GARRE1: variants seen among roughly 807,000 people sequenced by gnomAD.
The protein encoded by GARRE1 is granule associated Rac and RHOG effector protein 1.
In GARRE1, 49 loss-of-function variants were observed where a neutral mutation model predicts 103.2. The ratio of observed to expected loss-of-function variants is 0.47; its 90% CI spans 0.38 to 0.60. GARRE1 has a LOEUF of 0.60. GARRE1 is among the 20% of genes least tolerant of loss of function. The pLI is 0.00. For synonymous variants in GARRE1, 505 were observed against 532.8 expected, an observed-to-expected ratio of 0.95 and a Z score of 0.72; for missense variants, 1,199 against 1,370.5, an observed-to-expected ratio of 0.87 and a Z score of 1.98.
rs1160616076 is a variant in GARRE1 at position 34,287,833 on chromosome 19, T to G, written c.-795-11846T>G. Reference sequence around the variant, plus strand: ...GGGCACTAATCTCATTTATGATGGCTGCACCCTCATGACCTAAATACCTTC... The same window carrying G: ...GGGCACTAATCTCATTTATGATGGCGGCACCCTCATGACCTAAATACCTTC... On this transcript the variant is annotated intron_variant, in intron 1 of 13. Coordinates refer to ENST00000299505, the MANE Select transcript of GARRE1 (RefSeq NM_014686.5). 4.6e-5 allele frequency among the ~76,000 whole-genome samples: 7 copies of G among 152,304 alleles called. No individual in the cohort carries two copies. The South Asian group carries it at 6.2e-4, about 14-fold the overall frequency.
intron 2 of GARRE1, among the ~76,000 whole-genome samples, chr19:34,314,964 G>A (rs572972414): frequency 6.6e-6 from 1 of 152,260 alleles, no homozygotes; most frequent in South Asian, 2.1e-4. Flanking sequence ...ACCTCATTAA[G>A]AACAAGGTTG....
chr19:34,288,321 C>T (rs1382050020), intron 1 of GARRE1, among the ~76,000 whole-genome samples: 1 of 152,190 alleles, frequency 6.6e-6, no homozygotes. Flanking sequence ...TTCCTTTCCT[C>T]AATTTCTCAA....
At chr19:34,345,595 G>A (rs1050802725) in intron 10 of GARRE1, among the ~76,000 whole-genome samples, 5 of 152,168 alleles carry the variant, frequency 3.3e-5, no homozygotes, top group South Asian at 2.1e-4. Flanking sequence ...TGAGGCCAGC[G>A]GATTGCTTGA....
In GARRE1 at chr19:34,355,151, C is replaced by T. The variant is rs969818419; in HGVS notation, c.*2196C>T. ...GCCTCTCCAAAGGCCTCACCTTGGA[C>T]AGAGGTCAATCCTTGATGCTCCAGC... On this transcript the variant is annotated 3_prime_UTR_variant, in exon 14 of 14. Coordinates refer to ENST00000299505, the MANE Select transcript of GARRE1 (RefSeq NM_014686.5). 6.5e-6 allele frequency: 1 copy of T among 152,686 alleles called. No homozygotes were observed. The highest frequency in any genetic ancestry group is 6.5e-5 in the Admixed American group (1 of 15,286). The allele number at this position is 152,686 out of a possible 1,614,324, so 9.5% of individuals were successfully genotyped here. A position where few individuals can be genotyped will look rare whatever the true frequency, so the allele number is the denominator to read the frequency against.
intron 6 of GARRE1, among the ~76,000 whole-genome samples, chr19:34,328,729 T>A (rs537973169): frequency 4.0e-5 from 6 of 151,820 alleles, no homozygotes; most frequent in Non-Finnish European, 8.8e-5. Context: ...TGCCTCACCC[T>A]CCCAAGTAGC....
intron 1 of GARRE1, among the ~76,000 whole-genome samples, chr19:34,295,150 C>T (rs146513633): frequency 2.1e-4 from 32 of 152,308 alleles, no homozygotes; most frequent in African/African-American, 7.7e-4. Context: ...TTTGAAGGAG[C>T]TGTAGCCCAG....
chr19:34,258,663 G>A (rs982765773), intron 1 of GARRE1, among the ~76,000 whole-genome samples: 10 of 151,992 alleles, frequency 6.6e-5, no homozygotes, highest in Admixed American at 2.6e-4. Flanking sequence ...GGCGATGGGC[G>A]CCTGTAGTCC....
chr19:34,323,063 C>T (rs1353041913), intron 3 of GARRE1, among the ~76,000 whole-genome samples: 1 of 107,222 alleles, frequency 9.3e-6, no homozygotes, highest in Non-Finnish European at 1.7e-5. Context: ...GGTGGAGTCT[C>T]GCTGTTGCCC....
intron 1 of GARRE1, among the ~76,000 whole-genome samples, chr19:34,277,257 C>T (rs1267026031): frequency 6.6e-6 from 1 of 151,976 alleles, no homozygotes; most frequent in African/African-American, 2.4e-5. Context: ...ATTCAAAGTG[C>T]CAGGGACCAT....
chr19:34,298,137 G>C (rs2073956869), intron 1 of GARRE1, among the ~76,000 whole-genome samples: 3 of 152,210 alleles, frequency 2.0e-5, no homozygotes, highest in Non-Finnish European at 2.9e-5. Context: ...TTGAATATGT[G>C]GTCAAGCACG....
At chr19:34,271,089 A>G (rs2073784297) in intron 1 of GARRE1, among the ~76,000 whole-genome samples, 1 of 152,194 alleles carries the variant, frequency 6.6e-6, no homozygotes, top group South Asian at 2.1e-4. Context: ...AACTTATAAA[A>G]TGGAATAAAG....
At chr19:34,352,546 A>T (rs1318685245) in intron 13 of GARRE1, 101 bp from the exon 14 acceptor site, 3 of 968,326 alleles carry the variant, frequency 3.1e-6, no homozygotes, top group East Asian at 4.8e-5. Flanking sequence ...TGGGGCTCTC[A>T]CCCGGCTTCC....
Position 34,328,796 on chromosome 19 carries a change from CG to C in GARRE1, c.1104+649del, listed in dbSNP as rs529792224. Among the ~76,000 whole-genome samples the C allele has an allele frequency of 2.5e-4, 38 of 151,906 alleles. No homozygotes were observed. The East Asian group carries it at 6.4e-3, about 26-fold the overall frequency. ...CTAATTTTTGTATTTTTAGTAGAGA[CG>C]GGGTTTTACTGTGTTGGCCAGGATG... On this transcript the variant is annotated intron_variant, in intron 6 of 13. Coordinates refer to ENST00000299505, the MANE Select transcript of GARRE1 (RefSeq NM_014686.5).
In GARRE1 at chr19:34,300,581, G is replaced by C. The variant is rs73580724; in HGVS notation, c.108G>C (p.Glu36Asp). 2 of 1,613,430 alleles carry C rather than the reference G, an allele frequency of 1.2e-6. No individual in the cohort carries two copies. Among genetic ancestry groups the C allele is most frequent in the East Asian group, 2.2e-5 (1 of 44,882 alleles). Reference sequence around the variant, plus strand: ...AGCACCAGCAATACCCGATGCCTGAGCTGGGCCGAGCACTGAGTGCTCCCC... The same window carrying C: ...AGCACCAGCAATACCCGATGCCTGACCTGGGCCGAGCACTGAGTGCTCCCC... ...VQQHQQYPMP[E>D]LGRALSAPLA... The change falls in exon 2 of 14, where the codon GAG becomes GAC. Residue 36 changes from glutamate (E) to aspartate (D), a missense_variant. Glu to Asp is a conservative substitution (Grantham distance 45). Transcript: ENST00000299505.
Position 34,322,013 on chromosome 19 carries a change from C to T in GARRE1, c.705+1897C>T, listed in dbSNP as rs961435304. 3.9e-5 allele frequency among the ~76,000 whole-genome samples: 6 copies of T among 152,168 alleles called. No individual in the cohort carries two copies. In the East Asian group the frequency reaches 5.8e-4, roughly 15 times the overall value. On this transcript the variant is annotated intron_variant, in intron 3 of 13. Transcript: ENST00000299505. ...AATGGTGGGCTGCAGGGAGCCGCTCCGGTGGGGGGATTCTAGCCTAGCGCA... is the reference window on the plus strand; with the variant it reads ...AATGGTGGGCTGCAGGGAGCCGCTCTGGTGGGGGGATTCTAGCCTAGCGCA...
chr19:34,315,942 G>A (rs913213544), intron 2 of GARRE1, among the ~76,000 whole-genome samples: 2 of 152,134 alleles, frequency 1.3e-5, no homozygotes, highest in Non-Finnish European at 2.9e-5. Context: ...CTAGAAAACA[G>A]GCTCTCATTC....
chr19:34,281,268 G>A (rs1173848707), intron 1 of GARRE1, among the ~76,000 whole-genome samples: 5 of 152,054 alleles, frequency 3.3e-5, no homozygotes, highest in Non-Finnish European at 2.9e-5. Context: ...CTACAGGGAT[G>A]CACTACCATG....
chr19:34,295,028 C>T (rs537069133), intron 1 of GARRE1, among the ~76,000 whole-genome samples: 3 of 152,300 alleles, frequency 2.0e-5, no homozygotes, highest in Admixed American at 2.0e-4. Context: ...TCAGATTCTC[C>T]TCCCTCTCCA....
At chr19:34,350,674 C>T (rs747877636) in intron 12 of GARRE1, among the ~76,000 whole-genome samples, 28 of 152,110 alleles carry the variant, frequency 1.8e-4, no homozygotes, top group Middle Eastern at 3.2e-3. Flanking sequence ...CTCCGCCTTC[C>T]GGGTTCACGC....
Sources: gnomAD v4.1 joint callset for allele counts (sites outside exome capture counted in the v4.1 genomes callset) on GRCh38, gnomAD v4.1.1 for gene constraint, MANE v1.5 for transcripts, NCBI Gene and HGNC (gene_info 2026-07-23, HGNC 2026-07-21) for gene names.